AGBL4: variants seen among roughly 807,000 people sequenced by gnomAD.
The protein encoded by AGBL4 is cytosolic carboxypeptidase 6.
Under a neutral mutation model 66.4 loss-of-function variants are expected in AGBL4, and 58 were observed. The observed-to-expected ratio is 0.87, with a 90% CI of 0.71 to 1.09. The LOEUF (loss-of-function observed/expected upper bound fraction) is 1.09, where lower values mean the gene tolerates loss of function less well. AGBL4 is among the 50% of genes least tolerant of loss of function. AGBL4 has a pLI of 0.00. For synonymous variants in AGBL4, 234 were observed against 222.9 expected (o/e 1.05, Z -0.44); for missense variants, 579 against 631.0 (o/e 0.92, Z 0.88).
intron 3 of AGBL4, among the ~76,000 whole-genome samples, chr1:49,382,262 C>T (rs1644633935): frequency 6.6e-6 from 1 of 152,050 alleles, no homozygotes; most frequent in South Asian, 2.1e-4. Flanking sequence ...TTTATTTTTA[C>T]TTCATCAAGA....
chr1:49,603,527 A>AAAATAAATAAAT (rs59509776), intron 3 of AGBL4, among the ~76,000 whole-genome samples: 35 of 140,590 alleles, frequency 2.5e-4, no homozygotes, highest in Non-Finnish European at 3.2e-4. Context: ...TCCATCTCAA[A>AAAATAAATAAAT]AAATAAATAA....
At chr1:49,761,154 A>T (rs1652281385) in intron 2 of AGBL4, among the ~76,000 whole-genome samples, 1 of 151,808 alleles carries the variant, frequency 6.6e-6, no homozygotes, top group Admixed American at 6.6e-5. Flanking sequence ...TTAAGAAAAA[A>T]TTCTAAAAAA....
intron 2 of AGBL4, among the ~76,000 whole-genome samples, chr1:49,805,890 C>A (rs1644965955): frequency 6.6e-6 from 1 of 152,168 alleles, no homozygotes; most frequent in Non-Finnish European, 1.5e-5. Context: ...GTCTCCCCAG[C>A]CTCTGGAACT....
intron 5 of AGBL4, among the ~76,000 whole-genome samples, chr1:49,017,219 T>C (rs1662888480): frequency 6.6e-6 from 1 of 152,168 alleles, no homozygotes; most frequent in Admixed American, 6.5e-5. Context: ...TGTTGGAGAA[T>C]TAGAGCATCC....
At chr1:48,738,385 G>A (rs937158557) in intron 6 of AGBL4, among the ~76,000 whole-genome samples, 5 of 152,204 alleles carry the variant, frequency 3.3e-5, no homozygotes, top group Non-Finnish European at 7.3e-5. Context: ...GGAAAGATAA[G>A]CAGCCTTGGA....
At chr1:49,915,271 C>T (rs985866970) in intron 1 of AGBL4, among the ~76,000 whole-genome samples, 4 of 151,966 alleles carry the variant, frequency 2.6e-5, no homozygotes, top group African/African-American at 7.3e-5. Flanking sequence ...GAGTGACAGC[C>T]GAAGCAGGGT....
chr1:49,535,568 T>A (rs1378574299), intron 3 of AGBL4, among the ~76,000 whole-genome samples: 1 of 151,872 alleles, frequency 6.6e-6, no homozygotes, highest in Non-Finnish European at 1.5e-5. Flanking sequence ...AAGGGAAAAG[T>A]GAGCAAACTG....
At chr1:48,693,095 C>A (rs956441510) in intron 6 of AGBL4, among the ~76,000 whole-genome samples, 1 of 152,208 alleles carries the variant, frequency 6.6e-6, no homozygotes, top group Non-Finnish European at 1.5e-5. Flanking sequence ...ACCAGAGATA[C>A]CTACTCATTT....
At chr1:49,881,598 A>G (rs1647312858) in intron 1 of AGBL4, among the ~76,000 whole-genome samples, 1 of 150,826 alleles carries the variant, frequency 6.6e-6, no homozygotes, top group South Asian at 2.1e-4. Flanking sequence ...GTGAGATGAT[A>G]TCTCATTGCG....
intron 3 of AGBL4, among the ~76,000 whole-genome samples, chr1:49,254,803 G>A (rs1432070804): frequency 2.6e-5 from 4 of 152,154 alleles, no homozygotes; most frequent in African/African-American, 9.7e-5. Context: ...CATGGTATTT[G>A]TACAAAAACA....
At chr1:49,687,770 A>G (rs1292739780) in intron 3 of AGBL4, among the ~76,000 whole-genome samples, 1 of 152,040 alleles carries the variant, frequency 6.6e-6, no homozygotes, top group Non-Finnish European at 1.5e-5. Context: ...GTAAAAGCCT[A>G]TCTAAAAAAA....
At chr1:48,730,791 A>C (rs951843578) in intron 6 of AGBL4, among the ~76,000 whole-genome samples, 3 of 152,244 alleles carry the variant, frequency 2.0e-5, no homozygotes, top group African/African-American at 7.2e-5. Flanking sequence ...GGTTTATAAC[A>C]GTGCTAATGT....
chr1:48,653,508 C>T (rs1407129691), intron 7 of AGBL4, 57 bp from the exon 8 acceptor site: 4 of 1,328,874 alleles, frequency 3.0e-6, no homozygotes, highest in Non-Finnish European at 4.2e-6. Flanking sequence ...GAAGGAAACA[C>T]ATTTTTCTCA....
At chr1:48,643,032 G>A (rs1391903550) in intron 8 of AGBL4, among the ~76,000 whole-genome samples, 2 of 152,288 alleles carry the variant, frequency 1.3e-5, no homozygotes, top group Non-Finnish European at 2.9e-5. Context: ...ACCTCAGAGG[G>A]TTGTTTTGAG....
intron 1 of AGBL4, among the ~76,000 whole-genome samples, chr1:49,854,285 G>A (rs975979518): frequency 1.3e-5 from 2 of 151,904 alleles, no homozygotes; most frequent in Admixed American, 6.6e-5. Context: ...AATTCAGCAG[G>A]GAAGTGACAG....
chr1:49,457,326 G>A (rs1646412056), intron 3 of AGBL4, among the ~76,000 whole-genome samples: 1 of 151,784 alleles, frequency 6.6e-6, no homozygotes, highest in African/African-American at 2.4e-5. Flanking sequence ...GATAATTGAT[G>A]AGGTTGAGCA....
At chr1:48,970,320 C>T (rs540050764) in intron 5 of AGBL4, among the ~76,000 whole-genome samples, 5 of 152,266 alleles carry the variant, frequency 3.3e-5, no homozygotes, top group African/African-American at 1.2e-4. Flanking sequence ...TGACAAAATT[C>T]CAGATCCCCA....
chr1:49,250,800 C>G (rs1037274514), intron 3 of AGBL4, among the ~76,000 whole-genome samples: 8 of 152,146 alleles, frequency 5.3e-5, no homozygotes, highest in African/African-American at 1.9e-4. Context: ...CTCTCACTAC[C>G]AGCCTCTGGA....
At chr1:48,523,541 C>T in the AGBL4 span, among the ~76,000 whole-genome samples, 5 of 152,232 alleles carry the variant, frequency 3.3e-5, no homozygotes, top group South Asian at 2.1e-4. Flanking sequence ...CTCTTTCAAC[C>T]AAACCACATG....
Sources: gnomAD v4.1 joint callset for allele counts (sites outside exome capture counted in the v4.1 genomes callset) on GRCh38, gnomAD v4.1.1 for gene constraint, MANE v1.5 for transcripts, NCBI Gene and HGNC (gene_info 2026-07-23, HGNC 2026-07-21) for gene names.